Variants in NUFIP1 observed in about 807,000 individuals in gnomAD.
NUFIP1 encodes the protein FMR1-interacting protein NUFIP1.
Under a neutral mutation model 56.2 loss-of-function variants are expected in NUFIP1, and 38 were observed. That is an observed-to-expected ratio of 0.68 (90% CI 0.52 to 0.89). The LOEUF is 0.89. Among genes scored for constraint, NUFIP1 ranks in the 40% least tolerant of loss-of-function variants. NUFIP1 has a pLI of 0.00. For synonymous variants in NUFIP1, 215 were observed against 212.4 expected (o/e 1.01, Z -0.10); for missense variants, 567 against 605.8 (o/e 0.94, Z 0.67).
intron 8 of NUFIP1, among the ~76,000 whole-genome samples, chr13:44,944,810 G>A (rs930049717): frequency 2.6e-5 from 4 of 151,936 alleles, no homozygotes; most frequent in Non-Finnish European, 5.9e-5. Flanking sequence ...AATAATCCAA[G>A]AGTTAAAGAA....
At chr13:44,981,920 T>TACA in intron 2 of NUFIP1, 152 bp downstream of exon 2, 1 of 75,720 alleles carries the variant, frequency 1.3e-5, no homozygotes, top group Non-Finnish European at 4.8e-5. Flanking sequence ...ATTTGCTATA[T>TACA]TCATGTTTAA....
intron 5 of NUFIP1, among the ~76,000 whole-genome samples, chr13:44,974,060 C>A (rs1566062896): frequency 6.6e-6 from 1 of 152,216 alleles, no homozygotes; most frequent in Non-Finnish European, 1.5e-5. Flanking sequence ...AAATTTTACA[C>A]TACACAGTCA....
intron 5 of NUFIP1, among the ~76,000 whole-genome samples, chr13:44,968,057 T>C (rs886480774): frequency 5.3e-5 from 8 of 151,968 alleles, no homozygotes; most frequent in Non-Finnish European, 1.2e-4. Flanking sequence ...GGAAATGACA[T>C]TGGGTAAGTG....
chr13:44,965,982 A>C, intron 5 of NUFIP1, 46 bp from the exon 6 acceptor site: 1 of 1,147,922 alleles, frequency 8.7e-7, no homozygotes, highest in South Asian at 1.7e-5. Context: ...TTAGAGTACA[A>C]TTTTAAATAA....
chr13:44,959,855 T>C (rs1014556442), intron 6 of NUFIP1, among the ~76,000 whole-genome samples: 4 of 152,120 alleles, frequency 2.6e-5, no homozygotes, highest in Non-Finnish European at 5.9e-5. Flanking sequence ...TTGGGCTGTG[T>C]CGTATTATCA....
intron 8 of NUFIP1, among the ~76,000 whole-genome samples, chr13:44,949,412 G>A (rs947996514): frequency 6.6e-5 from 10 of 151,156 alleles, no homozygotes; most frequent in East Asian, 3.9e-4. Context: ...CGTTTTAGCC[G>A]GGATGGTCTC....
chr13:44,972,341 G>A lies in NUFIP1; in HGVS notation c.735-6405C>T, dbSNP rs116087151. On this transcript the variant is annotated intron_variant, in intron 5 of 9. Transcript: ENST00000379161. ...ACTCGGCAATAAAAAACAAACAACT[G>A]CTACATGCAACAACATGGATAACTT... 3.1e-3 allele frequency among the ~76,000 whole-genome samples: 470 copies of A among 152,262 alleles called. 2 individuals carry two copies. Among genetic ancestry groups the A allele is most frequent in the African/African-American group, 8.1e-3 (337 of 41,554 alleles).
At chr13:44,956,677 T>C (rs1871255541) in intron 7 of NUFIP1, among the ~76,000 whole-genome samples, 1 of 152,050 alleles carries the variant, frequency 6.6e-6, no homozygotes, top group Non-Finnish European at 1.5e-5. Context: ...GGGTTCACGC[T>C]CCTATGAGAA....
rs1025146445 is a variant in NUFIP1, at chr13:44,948,792, G to A, written c.1138+930C>T. ...TATCACAATTAAATTTCACAATGAA[G>A]CCTCACACGTTACCATCCGTAACAT... On this transcript the variant is annotated intron_variant, in intron 8 of 9. Coordinates refer to ENST00000379161, the MANE Select transcript of NUFIP1 (RefSeq NM_012345.3). Among the ~76,000 whole-genome samples the A allele has an allele frequency of 2.0e-5, 3 of 152,146 alleles. No homozygotes were observed. The East Asian group carries it at 5.8e-4, about 29-fold the overall frequency.
At chr13:44,973,159 A>G (rs1285492373) in intron 5 of NUFIP1, among the ~76,000 whole-genome samples, 1 of 152,172 alleles carries the variant, frequency 6.6e-6, no homozygotes, top group Non-Finnish European at 1.5e-5. Context: ...TCATTTATTC[A>G]CGAAACCACA....
At chr13:44,960,716 A>G (rs1393871637) in intron 6 of NUFIP1, among the ~76,000 whole-genome samples, 2 of 152,122 alleles carry the variant, frequency 1.3e-5, no homozygotes, top group African/African-American at 4.8e-5. Context: ...TTGCAATTTC[A>G]CAGCCAGCTC....
rs1321733430 is a variant in NUFIP1 at position 44,940,778 on chromosome 13, G to A, written c.*428C>T. On this transcript the variant is annotated 3_prime_UTR_variant, in exon 10 of 10. Coordinates refer to ENST00000379161, the MANE Select transcript of NUFIP1 (RefSeq NM_012345.3). ...GTTTATTTTTAAAATATTCCCCCTT[G>A]CTACAGAACATCTTCCTTTTCTGCA... 1 of 152,784 alleles carries A rather than the reference G, an allele frequency of 6.5e-6. No individual in the cohort carries two copies. The highest frequency in any genetic ancestry group is 2.4e-5 in the African/African-American group (1 of 41,420). 9.5% of individuals were successfully genotyped at this position (152,784 alleles called of 1,614,324 possible).
intron 5 of NUFIP1, among the ~76,000 whole-genome samples, chr13:44,968,113 T>C (rs191593966): frequency 3.3e-5 from 5 of 152,122 alleles, no homozygotes; most frequent in East Asian, 1.9e-4. Flanking sequence ...ATGAGGACAG[T>C]GTGAAGCAAT....
chr13:44,986,474 G>A (rs1272003800), intron 1 of NUFIP1, among the ~76,000 whole-genome samples: 5 of 152,142 alleles, frequency 3.3e-5, no homozygotes, highest in South Asian at 4.2e-4. Flanking sequence ...GGTGGATCAC[G>A]AGGTCAGGCG....
chr13:44,982,750 T>C (rs556025589), intron 1 of NUFIP1, among the ~76,000 whole-genome samples: 11 of 152,160 alleles, frequency 7.2e-5, no homozygotes, highest in Admixed American at 5.9e-4. Flanking sequence ...CTCATGCCTA[T>C]AATCCTAGCA....
chr13:44,989,307 G>A lies in NUFIP1; in HGVS notation c.130C>T (p.Pro44Ser), dbSNP rs1299700590. 6.2e-7 allele frequency: 1 copy of A among 1,613,240 alleles called. No homozygotes were observed. The highest frequency in any genetic ancestry group is 8.5e-7 in the Non-Finnish European group (1 of 1,179,804). Reference protein sequence around the residue: ...RDSWMFWAMLPPPPPPLTSSL... With the variant: ...RDSWMFWAMLSPPPPPLTSSL... Reference sequence around the variant, plus strand: ...GACGTAAGTGGTGGTGGCGGTGGCGGCAGCATTGCCCAGAACATCCAGCTG... The same window carrying A: ...GACGTAAGTGGTGGTGGCGGTGGCGACAGCATTGCCCAGAACATCCAGCTG... Residue 44 changes from proline to serine, a missense_variant, in exon 1 of 10, where the codon CCG (proline) becomes TCG (serine). By Grantham distance (74) the Pro-to-Ser change is moderately conservative (BLOSUM62 -1). Coordinates refer to ENST00000379161, the MANE Select transcript of NUFIP1 (RefSeq NM_012345.3).
chr13:44,984,745 C>T (rs1425415966), intron 1 of NUFIP1, among the ~76,000 whole-genome samples: 1 of 151,952 alleles, frequency 6.6e-6, no homozygotes, highest in East Asian at 1.9e-4. Flanking sequence ...TTTTAGGGTA[C>T]GTGTGCACAA....
chr13:44,973,178 T>C (rs1871862826), intron 5 of NUFIP1, among the ~76,000 whole-genome samples: 1 of 152,188 alleles, frequency 6.6e-6, no homozygotes, highest in Non-Finnish European at 1.5e-5. Flanking sequence ...CAAGGGGGCA[T>C]AGTTCACATT....
intron 1 of NUFIP1, 108 bp downstream of exon 1, chr13:44,988,916 TC>T (rs1045543436): frequency 1.1e-5 from 12 of 1,122,954 alleles, no homozygotes; most frequent in African/African-American, 1.6e-5. Context: ...ATGACCAGAC[TC>T]CAAGAGTGCA....
Sources: allele counts gnomAD v4.1 joint callset (sites outside exome capture counted in the v4.1 genomes callset), GRCh38; gene constraint gnomAD v4.1.1; transcripts MANE v1.5; gene names NCBI Gene and HGNC (gene_info 2026-07-23, HGNC 2026-07-21).